Variants in CSMD1 observed in about 807,000 individuals in gnomAD.
CSMD1 encodes the protein CUB and Sushi multiple domains 1.
Under a neutral mutation model 417.5 loss-of-function variants are expected in CSMD1, and 213 were observed. The observed-to-expected ratio is 0.51, with a 90% CI of 0.46 to 0.57. The LOEUF (loss-of-function observed/expected upper bound fraction) is 0.57, where lower values mean the gene tolerates loss of function less well. CSMD1 is among the 20% of genes least tolerant of loss of function. The pLI, the probability that CSMD1 is intolerant of heterozygous loss-of-function variation, is 0.00. For missense variants in CSMD1, 6,923 were observed against 4,529.7 expected (o/e 1.53, Z -15.17); for synonymous variants, 2,862 against 1,736.8 (o/e 1.65, Z -16.11).
chr8:3,460,887 C>T (rs375165651), intron 12 of CSMD1, among the ~76,000 whole-genome samples: 158 of 152,184 alleles, frequency 1.0e-3, no homozygotes, highest in African/African-American at 3.7e-3. Flanking sequence ...GAGCTAAGCA[C>T]CAGGAAGGCA....
intron 1 of CSMD1, among the ~76,000 whole-genome samples, chr8:4,988,172 A>G (rs1811279355): frequency 6.6e-6 from 1 of 152,366 alleles, no homozygotes; most frequent in African/African-American, 2.4e-5. Flanking sequence ...CATGTCTATT[A>G]TAATGATAGC....
intron 1 of CSMD1, among the ~76,000 whole-genome samples, chr8:4,647,211 T>C (rs1585386800): frequency 6.6e-6 from 1 of 152,004 alleles, no homozygotes; most frequent in East Asian, 1.9e-4. Flanking sequence ...TTCAGAGTGT[T>C]TCGGGCGCCA....
intron 3 of CSMD1, among the ~76,000 whole-genome samples, chr8:4,201,095 C>G (rs1034384663): frequency 6.6e-6 from 1 of 152,130 alleles, no homozygotes; most frequent in South Asian, 2.1e-4. Context: ...CAATGTCTTA[C>G]CTTTCAGAGA....
intron 12 of CSMD1, among the ~76,000 whole-genome samples, chr8:3,450,565 G>C (rs914317269): frequency 1.4e-5 from 2 of 144,846 alleles, no homozygotes; most frequent in African/African-American, 2.6e-5. Flanking sequence ...TGCAGTGTTT[G>C]TTTTTTTTTT....
rs761309987 is a variant in CSMD1 at position 2,978,598 on chromosome 8, T to C, written c.8566+14A>G. On this transcript the variant is annotated intron_variant, in intron 55 of 69. Coordinates refer to ENST00000635120, the MANE Select transcript of CSMD1 (RefSeq NM_033225.6). ...GGGGTCTCTGCACAGAAATTGGGAA[T>C]AACCCTGACTTACCCAAACACTTGG... 10 of 1,565,932 alleles carry C rather than the reference T, an allele frequency of 6.4e-6. No individual in the cohort carries two copies. The highest frequency in any genetic ancestry group is 1.7e-4 in the Middle Eastern group (1 of 5,984).
chr8:3,961,799 A>T (rs762699812), intron 5 of CSMD1, among the ~76,000 whole-genome samples: 2 of 152,190 alleles, frequency 1.3e-5, no homozygotes, highest in African/African-American at 4.8e-5. Context: ...TGGGTTTTTA[A>T]TATTTCCCGC....
intron 5 of CSMD1, among the ~76,000 whole-genome samples, chr8:3,820,878 C>A (rs570428501): frequency 4.6e-5 from 7 of 152,010 alleles, no homozygotes; most frequent in Non-Finnish European, 1.0e-4. Context: ...ATGCCTTCTT[C>A]GGAATACCTC....
chr8:3,634,918 C>T lies in CSMD1; in HGVS notation c.1010-18121G>A, dbSNP rs533409355. 4.6e-5 allele frequency among the ~76,000 whole-genome samples: 7 copies of T among 152,250 alleles called. No homozygotes were observed. In the South Asian group the frequency reaches 1.5e-3, roughly 32 times the overall value. ...GGCTATAGGGTACAGCCGCTTGCTC[C>T]TAGGCTACAAACTCACACCACATGT... On this transcript the variant is annotated intron_variant, in intron 7 of 69. Coordinates refer to ENST00000635120, the MANE Select transcript of CSMD1 (RefSeq NM_033225.6).
chr8:2,976,021 GT>G (rs1804887819), intron 55 of CSMD1, among the ~76,000 whole-genome samples: 1 of 152,314 alleles, frequency 6.6e-6, no homozygotes, highest in Non-Finnish European at 1.5e-5. Context: ...ATTCCCATGT[GT>G]GAAAGCAAGG....
intron 11 of CSMD1, 143 bp downstream of exon 11, chr8:3,493,480 G>C (rs1353975383): frequency 8.4e-6 from 5 of 594,562 alleles, no homozygotes; most frequent in Admixed American, 3.1e-5. Context: ...TACAAAATGA[G>C]ATTGCAGGCC....
At chr8:4,234,811 T>G (rs1001773903) in intron 3 of CSMD1, among the ~76,000 whole-genome samples, 1 of 152,048 alleles carries the variant, frequency 6.6e-6, no homozygotes, top group Non-Finnish European at 1.5e-5. Flanking sequence ...AAACTGGTGG[T>G]TGGAGAGATA....
chr8:4,839,474 TG>T (rs2116766511), intron 1 of CSMD1, among the ~76,000 whole-genome samples: 1 of 152,336 alleles, frequency 6.6e-6, no homozygotes, highest in African/African-American at 2.4e-5. Flanking sequence ...ACATTTGCAC[TG>T]AAAAATCCTA....
At chr8:4,474,446 G>A (rs192425432) in intron 2 of CSMD1, among the ~76,000 whole-genome samples, 81 of 152,266 alleles carry the variant, frequency 5.3e-4, no homozygotes, top group African/African-American at 1.7e-3. Context: ...AAGAAATTCT[G>A]TAGAATGGAG....
chr8:4,141,293 G>A (rs34729161), intron 3 of CSMD1, among the ~76,000 whole-genome samples: 45,571 of 150,804 alleles, frequency 0.3, 8,517 homozygotes, highest in Non-Finnish European at 0.39. Flanking sequence ...TGAAAAATCC[G>A]TAATTCCCAA....
intron 52 of CSMD1, among the ~76,000 whole-genome samples, chr8:3,001,317 C>G (rs1807386972): frequency 6.6e-6 from 1 of 152,084 alleles, no homozygotes; most frequent in Non-Finnish European, 1.5e-5. Flanking sequence ...TTCCATCTCC[C>G]TCTTCTGCCT....
intron 12 of CSMD1, among the ~76,000 whole-genome samples, chr8:3,467,562 T>C (rs1014233730): frequency 6.6e-6 from 1 of 152,240 alleles, no homozygotes; most frequent in Non-Finnish European, 1.5e-5. Context: ...TATTTCTTAT[T>C]CACAAGGGTC....
intron 36 of CSMD1, among the ~76,000 whole-genome samples, chr8:3,185,768 T>C (rs1316998491): frequency 1.3e-5 from 2 of 152,208 alleles, no homozygotes; most frequent in East Asian, 3.8e-4. Flanking sequence ...ATTCATAAAC[T>C]GTGAGGTAGG....
At chr8:2,988,279 T>C (rs560154496) in intron 54 of CSMD1, among the ~76,000 whole-genome samples, 1 of 152,298 alleles carries the variant, frequency 6.6e-6, no homozygotes, top group South Asian at 2.1e-4. Context: ...ATTTTCTTTA[T>C]GCTTATGTAC....
At chr8:4,588,592 C>G (rs1799821833) in intron 2 of CSMD1, among the ~76,000 whole-genome samples, 2 of 151,834 alleles carry the variant, frequency 1.3e-5, no homozygotes, top group African/African-American at 2.4e-5. Flanking sequence ...CGAGACCATC[C>G]TGGTTAACAC....
Sources: allele counts gnomAD v4.1 joint callset (sites outside exome capture counted in the v4.1 genomes callset), GRCh38; gene constraint gnomAD v4.1.1; transcripts MANE v1.5; gene names NCBI Gene and HGNC (gene_info 2026-07-23, HGNC 2026-07-21).